ROBO2: variants seen among roughly 807,000 people sequenced by gnomAD.
ROBO2 encodes roundabout homolog 2.
In ROBO2, 53 loss-of-function variants were observed where a neutral mutation model predicts 160.8. That is an observed-to-expected ratio of 0.33 (90% confidence interval 0.26 to 0.41). The LOEUF is 0.41. ROBO2 is among the 10% of genes least tolerant of loss of function. ROBO2 has a pLI of 1.00. For synonymous variants in ROBO2, 664 were observed against 611.7 expected (o/e 1.09, Z -1.26); for missense variants, 1,577 against 1,722.4 (o/e 0.92, Z 1.49).
intron 1 of ROBO2, among the ~76,000 whole-genome samples, chr3:75,920,995 CTA>C: frequency 6.6e-6 from 1 of 152,060 alleles, no homozygotes; most frequent in East Asian, 1.9e-4. Flanking sequence ...ATTTTCCAGT[CTA>C]TGTCTTTTAA....
chr3:76,819,871 G>A lies in ROBO2; in HGVS notation c.110-278143G>A, dbSNP rs73841633. Among the ~76,000 whole-genome samples the A allele has an allele frequency of 3.7e-4, 57 of 152,160 alleles. 2 individuals are homozygous for A. In the East Asian group the frequency reaches 9.9e-3, roughly 26 times the overall value. Reference sequence around the variant, plus strand: ...TGCAGTTTCAATTGGGACCTGTGTCGTGTGAGTCTATGTTGGGAGAATGAG... The same window carrying A: ...TGCAGTTTCAATTGGGACCTGTGTCATGTGAGTCTATGTTGGGAGAATGAG... On this transcript the variant is annotated intron_variant, in intron 2 of 26. Transcript: ENST00000487694.
At position 76,491,035 on chromosome 3, in the gene ROBO2, C is replaced by T. The variant is rs577961383; in HGVS notation, c.109+553433C>T. ...AGTGCAGTGGTGCGATCTTGGCTTA[C>T]TGCAACCTCCGCCTCCCAGGTTCAA... On this transcript the variant is annotated intron_variant, in intron 2 of 26. Transcript: ENST00000487694. Among the ~76,000 whole-genome samples the T allele has an allele frequency of 2.0e-5, 3 of 151,992 alleles. No individual in the cohort carries two copies. The South Asian group carries it at 6.2e-4, about 32-fold the overall frequency.
intron 2 of ROBO2, among the ~76,000 whole-genome samples, chr3:76,004,797 T>G (rs1350357338): frequency 6.6e-6 from 1 of 152,252 alleles, no homozygotes; most frequent in Non-Finnish European, 1.5e-5. Flanking sequence ...ATGAAATGTT[T>G]CCATTGAAGT....
At chr3:77,407,481 G>A in intron 2 of ROBO2, among the ~76,000 whole-genome samples, 1 of 152,184 alleles carries the variant, frequency 6.6e-6, no homozygotes, top group Non-Finnish European at 1.5e-5. Flanking sequence ...AGTACAACAT[G>A]TGTCCATCAT....
intron 2 of ROBO2, among the ~76,000 whole-genome samples, chr3:77,268,993 C>T (rs1049711863): frequency 1.3e-5 from 2 of 152,290 alleles, no homozygotes; most frequent in South Asian, 2.1e-4. Context: ...ACAGTGTTCA[C>T]AGCTTGTGTG....
intron 2 of ROBO2, among the ~76,000 whole-genome samples, chr3:76,083,266 A>G (rs185650749): frequency 6.6e-6 from 1 of 152,266 alleles, no homozygotes; most frequent in African/African-American, 2.4e-5. Flanking sequence ...AGACACAAGT[A>G]TAAAAGTCAT....
At chr3:77,218,376 C>CTT (rs199847608) in intron 2 of ROBO2, among the ~76,000 whole-genome samples, 49 of 140,244 alleles carry the variant, frequency 3.5e-4, no homozygotes, top group African/African-American at 1.1e-3. Context: ...TGAAATTATA[C>CTT]TTTTTTTTTT....
intron 1 of ROBO2, among the ~76,000 whole-genome samples, chr3:77,047,669 G>A (rs1378652901): frequency 6.7e-6 from 1 of 149,654 alleles, no homozygotes; most frequent in Admixed American, 6.7e-5. Context: ...CCTAGGCAAC[G>A]GGCAAAACTC....
At chr3:76,276,212 T>C (rs943983317) in intron 2 of ROBO2, among the ~76,000 whole-genome samples, 1 of 152,052 alleles carries the variant, frequency 6.6e-6, no homozygotes, top group African/African-American at 2.4e-5. Flanking sequence ...ACGTGGACTT[T>C]CCAAGGTATG....
intron 2 of ROBO2, among the ~76,000 whole-genome samples, chr3:76,857,097 T>A (rs1301213391): frequency 6.6e-6 from 1 of 152,116 alleles, no homozygotes; most frequent in East Asian, 1.9e-4. Context: ...GCGATTCTCG[T>A]GCCTCAGCCT....
chr3:76,289,387 A>G (rs1249106809), intron 2 of ROBO2, among the ~76,000 whole-genome samples: 2 of 152,102 alleles, frequency 1.3e-5, no homozygotes, highest in Non-Finnish European at 2.9e-5. Flanking sequence ...AGATGCTGAT[A>G]TTAGACCTTT....
At chr3:76,608,130 T>G (rs578200008) in intron 2 of ROBO2, among the ~76,000 whole-genome samples, 1 of 152,346 alleles carries the variant, frequency 6.6e-6, no homozygotes, top group Non-Finnish European at 1.5e-5. Context: ...TTAAATCCAT[T>G]TCATAATCCA....
At chr3:77,317,345 G>A (rs1306165543) in intron 2 of ROBO2, 25 of 823,264 alleles carry the variant, frequency 3.0e-5, no homozygotes, top group Non-Finnish European at 4.1e-5. Flanking sequence ...CAAGCTGACC[G>A]TCCACGCTCA....
At chr3:77,396,679 G>A (rs2153506274) in intron 2 of ROBO2, among the ~76,000 whole-genome samples, 1 of 152,244 alleles carries the variant, frequency 6.6e-6, no homozygotes, top group Non-Finnish European at 1.5e-5. Flanking sequence ...GTTATTAAAT[G>A]TCTCAGTCAT....
At chr3:76,741,434 T>C (rs746440029) in intron 2 of ROBO2, among the ~76,000 whole-genome samples, 3 of 152,048 alleles carry the variant, frequency 2.0e-5, no homozygotes, top group Admixed American at 6.6e-5. Context: ...TAAAAGTCTT[T>C]TAACATAAGT....
chr3:77,062,430 A>G (rs142487595), intron 1 of ROBO2, among the ~76,000 whole-genome samples: 324 of 152,222 alleles, frequency 2.1e-3, no homozygotes, highest in African/African-American at 5.7e-3. Flanking sequence ...AAATAAACTC[A>G]GAGAACAGGA....
At chr3:77,304,385 G>A (rs1580893089) in intron 2 of ROBO2, among the ~76,000 whole-genome samples, 1 of 152,186 alleles carries the variant, frequency 6.6e-6, no homozygotes, top group Non-Finnish European at 1.5e-5. Context: ...GGGAACATTA[G>A]CAACCAGTGG....
chr3:76,855,659 A>G (rs1007716007), intron 2 of ROBO2, among the ~76,000 whole-genome samples: 2 of 152,228 alleles, frequency 1.3e-5, no homozygotes, highest in Non-Finnish European at 2.9e-5. Context: ...TAAATCTGCC[A>G]TGAACATTTG....
chr3:76,885,943 G>A (rs775069087), intron 2 of ROBO2, among the ~76,000 whole-genome samples: 10 of 152,148 alleles, frequency 6.6e-5, no homozygotes, highest in African/African-American at 9.7e-5. Flanking sequence ...GGTGAGGAGC[G>A]GGGGAGGGCA....
Sources: allele counts gnomAD v4.1 joint callset (sites outside exome capture counted in the v4.1 genomes callset), GRCh38; gene constraint gnomAD v4.1.1; transcripts MANE v1.5; gene names NCBI Gene and HGNC (gene_info 2026-07-23, HGNC 2026-07-21).